The following FBLN5 variants were observed in gnomAD, a reference collection of about 807,000 sequenced individuals.
FBLN5 encodes fibulin 5.
In FBLN5, 24 loss-of-function variants were observed where a neutral mutation model predicts 61.6. The observed-to-expected ratio is 0.39, with a 90% confidence interval of 0.28 to 0.55. The LOEUF is 0.55. FBLN5 is among the 20% of genes least tolerant of loss of function. The pLI, the probability that FBLN5 is intolerant of heterozygous loss-of-function variation, is 0.65. For synonymous variants in FBLN5, 213 were observed against 219.8 expected (o/e 0.97, Z 0.27); for missense variants, 470 against 594.1 (o/e 0.79, Z 2.17).
rs1341742547 is a variant in FBLN5, at chr14:91,947,365, G to A, written c.-136C>T. On this transcript the variant is annotated 5_prime_UTR_variant, in exon 1 of 11. Coordinates refer to ENST00000342058, the MANE Select transcript of FBLN5 (RefSeq NM_006329.4). The surrounding 1 kb of genome is among the most constrained non-coding windows in gnomAD (Gnocchi z 4.3). ...GTTTTATTCCAGAGGGGCCGAGCGA[G>A]TCGTGGAGAGGACACGGGGAGAGCG... 1.3e-5 allele frequency: 13 copies of A among 968,406 alleles called. No homozygotes were observed. Among genetic ancestry groups the A allele is most frequent in the Middle Eastern group, 2.4e-4 (1 of 4,246 alleles). The allele number at this position is 968,406 out of a possible 1,614,324, so 60.0% of individuals were successfully genotyped here.
intron 1 of FBLN5, among the ~76,000 whole-genome samples, chr14:91,944,198 G>T (rs561498587): frequency 6.6e-6 from 1 of 152,054 alleles, no homozygotes; most frequent in Non-Finnish European, 1.5e-5. Flanking sequence ...CAGGCATGGT[G>T]GTACACGCTC....
intron 4 of FBLN5, among the ~76,000 whole-genome samples, chr14:91,935,849 TTAACCAG>T (rs2056005887): frequency 6.6e-6 from 1 of 152,200 alleles, no homozygotes; most frequent in Non-Finnish European, 1.5e-5. Flanking sequence ...AAGGTAAACA[TTAACCAG>T]CTCTGTCTTT....
rs553781106 is a variant in FBLN5 at position 91,922,432 on chromosome 14, G to A, written c.379+14515C>T. On this transcript the variant is annotated intron_variant, in intron 4 of 10. Transcript: ENST00000342058. ...GAGAATTCCATGAGCTGGTGGACAC[G>A]AAAGCATTTGGAAAAGCGAGAAGCA... 2.0e-4 allele frequency among the ~76,000 whole-genome samples: 31 copies of A among 152,262 alleles called. 1 individual carries two copies. In the South Asian group the frequency reaches 6.2e-3, roughly 31 times the overall value.
chr14:91,946,757 T>C lies in FBLN5; in HGVS notation c.17+456A>G, dbSNP rs764297753. Reference sequence around the variant, plus strand: ...CCACTTCTCATTGGCTTGAAACTTCTGTGAGAATCCCACACAAACATAGAG... The same window carrying C: ...CCACTTCTCATTGGCTTGAAACTTCCGTGAGAATCCCACACAAACATAGAG... On this transcript the variant is annotated intron_variant, in intron 1 of 10. Coordinates refer to ENST00000342058, the MANE Select transcript of FBLN5 (RefSeq NM_006329.4). 8 of 1,536,126 alleles carry C rather than the reference T, an allele frequency of 5.2e-6. No homozygotes were observed. The South Asian group carries it at 9.5e-5, about 18-fold the overall frequency.
chr14:91,884,721 G>A (rs887350860), intron 7 of FBLN5, among the ~76,000 whole-genome samples: 6 of 152,210 alleles, frequency 3.9e-5, no homozygotes, highest in Non-Finnish European at 7.3e-5. Context: ...GCGGAGCTGG[G>A]GAGCCCTGAG....
intron 4 of FBLN5, among the ~76,000 whole-genome samples, chr14:91,935,208 G>A (rs2055993177): frequency 6.6e-6 from 1 of 152,244 alleles, no homozygotes; most frequent in Admixed American, 6.5e-5. Context: ...GGAGGAATAG[G>A]TTTCCCAGCC....
At chr14:91,875,653 T>A (rs1008116577) in intron 10 of FBLN5, among the ~76,000 whole-genome samples, 1 of 152,138 alleles carries the variant, frequency 6.6e-6, no homozygotes, top group East Asian at 1.9e-4. Context: ...CTTCCAGCCT[T>A]ACCCTTTCTA....
chr14:91,934,837 T>C (rs2055985878), intron 4 of FBLN5, among the ~76,000 whole-genome samples: 1 of 152,028 alleles, frequency 6.6e-6, no homozygotes, highest in African/African-American at 2.4e-5. Flanking sequence ...CCACCTCTCT[T>C]CCATCCCAGT....
intron 5 of FBLN5, among the ~76,000 whole-genome samples, chr14:91,892,128 A>G (rs1038733544): frequency 1.3e-5 from 2 of 152,234 alleles, no homozygotes; most frequent in African/African-American, 4.8e-5. Context: ...ATATGTATCC[A>G]TCAATGGGGA....
chr14:91,883,036 A>T lies in FBLN5; in HGVS notation c.780T>A (p.His260Gln), dbSNP rs1458854673. 1.2e-6 allele frequency: 2 copies of T among 1,614,092 alleles called. No individual in the cohort carries two copies. The highest frequency in any genetic ancestry group is 2.2e-5 in the East Asian group (1 of 44,876). The stretch of plus-strand genomic sequence containing the variant: ...ATGTGCCGGGCTGGTTCACACACTC[A>T]TGTTGGCAGAGGAACTCAGAGAAGC... The part of the protein sequence containing the change: ...ECSFSEFLCQ[H>Q]ECVNQPGTYF... The change falls in exon 8 of 11, where the codon CAT (histidine) becomes CAA (glutamine). Residue 260 changes from histidine (H) to glutamine (Q), a missense_variant. By Grantham distance (24) the His-to-Gln change is conservative (BLOSUM62 0). Transcript: ENST00000342058.
chr14:91,928,177 C>A (rs1389353467), intron 4 of FBLN5, among the ~76,000 whole-genome samples: 10 of 152,196 alleles, frequency 6.6e-5, no homozygotes, highest in Non-Finnish European at 1.3e-4. Flanking sequence ...AAAACACACG[C>A]AACAGAGAAG....
chr14:91,908,154 C>T (rs551187369), intron 4 of FBLN5, among the ~76,000 whole-genome samples: 1 of 152,336 alleles, frequency 6.6e-6, no homozygotes, highest in South Asian at 2.1e-4. Context: ...GTACTTCACA[C>T]TTCTCTGCAC....
intron 4 of FBLN5, among the ~76,000 whole-genome samples, chr14:91,898,824 C>T (rs11160031): frequency 0.41 from 50,504 of 122,268 alleles, 11,363 homozygotes; most frequent in East Asian, 0.55. Flanking sequence ...TTTTTTGCGA[C>T]GGAATCTCGC....
In FBLN5 at chr14:91,882,382, CA is replaced by C. The variant is rs1454092662; in HGVS notation, c.862+571del. ...GCTGAGAATGGGTCAGTTGCTTCTG[CA>C]ATGACCCCTCAGTGGGTGGAGCATG... On this transcript the variant is annotated intron_variant, in intron 8 of 10. Coordinates refer to ENST00000342058, the MANE Select transcript of FBLN5 (RefSeq NM_006329.4). This position sits in a 1 kb window ranked among gnomAD's most constrained non-coding sequence, Gnocchi z 4.9. 1.3e-5 allele frequency among the ~76,000 whole-genome samples: 2 copies of C among 152,186 alleles called. No homozygotes were observed. The highest frequency in any genetic ancestry group is 4.8e-5 in the African/African-American group (2 of 41,442).
At chr14:91,940,665 A>G (rs1481958986) in intron 2 of FBLN5, 49 bp from the exon 3 acceptor site, 1 of 1,532,526 alleles carries the variant, frequency 6.5e-7, no homozygotes, top group Non-Finnish European at 9.0e-7. Flanking sequence ...TCACACCATA[A>G]AAGTCTTATT....
At chr14:91,927,682 T>C (rs2055852266) in intron 4 of FBLN5, among the ~76,000 whole-genome samples, 1 of 152,204 alleles carries the variant, frequency 6.6e-6, no homozygotes, top group Non-Finnish European at 1.5e-5. Context: ...TTCGAGGCTA[T>C]TTGCAACCTG....
chr14:91,925,672 A>C (rs1222955035), intron 4 of FBLN5, among the ~76,000 whole-genome samples: 1 of 152,204 alleles, frequency 6.6e-6, no homozygotes, highest in African/African-American at 2.4e-5. Context: ...TTTCCCCTTA[A>C]GGAAGGGGAC....
rs748670967 is a variant in FBLN5 at position 91,938,401 on chromosome 14, G to C, written c.125-1200C>G. On this transcript the variant is annotated intron_variant, in intron 3 of 10. Coordinates refer to ENST00000342058, the MANE Select transcript of FBLN5 (RefSeq NM_006329.4). Reference sequence around the variant, plus strand: ...ACCCGGGAGGCAGAGGTTGCAGTGAGCTGAGATTGCGCCATTGCACTCCAG... The same window carrying C: ...ACCCGGGAGGCAGAGGTTGCAGTGACCTGAGATTGCGCCATTGCACTCCAG... 62 of 157,254 alleles carry C rather than the reference G, an allele frequency of 3.9e-4. No homozygotes were observed. Among genetic ancestry groups the C allele is most frequent in the Non-Finnish European group, 8.0e-4 (57 of 70,908 alleles). 9.7% of individuals were successfully genotyped at this position (157,254 alleles called of 1,614,324 possible).
intron 4 of FBLN5, among the ~76,000 whole-genome samples, chr14:91,917,575 C>CAAAAAAAAAAA (rs34458933): frequency 1.6e-5 from 1 of 63,472 alleles, no homozygotes; most frequent in African/African-American, 6.6e-5. Context: ...GACTCCATCT[C>CAAAAAAAAAAA]AAAAAAAAAA....
Sources: allele counts gnomAD v4.1 joint callset (sites outside exome capture counted in the v4.1 genomes callset), GRCh38; gene constraint gnomAD v4.1.1; non-coding constraint Gnocchi (gnomAD v3.1); transcripts MANE v1.5; gene names NCBI Gene and HGNC (gene_info 2026-07-23, HGNC 2026-07-21).